MRC2: variants seen among roughly 807,000 people sequenced by gnomAD.
MRC2 encodes the protein mannose receptor C-type 2, also known as C-type mannose receptor 2.
In MRC2, 84 loss-of-function variants were observed where a neutral mutation model predicts 206.2. The observed-to-expected ratio is 0.41, with a 90% CI of 0.34 to 0.49. The LOEUF is 0.49. MRC2 is among the 20% of genes least tolerant of loss of function. The pLI, the probability that MRC2 is intolerant of heterozygous loss-of-function variation, is 0.31. For missense variants in MRC2, 1,676 were observed against 2,001.5 expected, an observed-to-expected ratio of 0.84 and a Z score of 3.10; for synonymous variants, 798 against 800.0, an observed-to-expected ratio of 1.00 and a Z score of 0.04.
In MRC2 at chr17:62,657,198, T is replaced by A. The variant is rs2088628301; in HGVS notation, c.119-7350T>A. Among the ~76,000 whole-genome samples the A allele has an allele frequency of 2.0e-5, 3 of 152,162 alleles. No individual in the cohort carries two copies. The South Asian group carries it at 6.2e-4, about 32-fold the overall frequency. On this transcript the variant is annotated intron_variant, in intron 1 of 29. Transcript: ENST00000303375. ...AAGGCAGCTCAATGAGGTCACAGAT[T>A]GTTATCGTTGCCATGTCTTCATTGT... is the stretch of plus-strand genomic sequence containing the variant.
At chr17:62,663,864 G>A (rs2088709641) in intron 1 of MRC2, among the ~76,000 whole-genome samples, 1 of 148,666 alleles carries the variant, frequency 6.7e-6, no homozygotes, top group African/African-American at 2.5e-5. Context: ...TGAGATTGAG[G>A]TTGCAACGTG....
At chr17:62,651,414 C>T (rs910907900) in intron 1 of MRC2, among the ~76,000 whole-genome samples, 1 of 151,966 alleles carries the variant, frequency 6.6e-6, no homozygotes, top group African/African-American at 2.4e-5. Flanking sequence ...AGACTCATGC[C>T]AGGCAAAGGT....
chr17:62,671,729 A>AAGCGC lies in MRC2; in HGVS notation c.1202_1206dup (p.Trp403AlafsTer47). 1 of 1,613,124 alleles carries AAGCGC rather than the reference A, an allele frequency of 6.2e-7. No individual in the cohort carries two copies. Among genetic ancestry groups the AAGCGC allele is most frequent in the Non-Finnish European group, 8.5e-7 (1 of 1,179,630 alleles). On this transcript the variant is annotated frameshift_variant, in exon 7 of 30. Transcript: ENST00000303375. LOFTEE classifies it high-confidence loss of function. This position sits in a 1 kb window ranked among gnomAD's most constrained non-coding sequence, Gnocchi z 4.5. Reference sequence around the variant, plus strand: ...CCACTGCTACCGCCTGCAGGCCGAGAAGCGCAGCTGGCAGGAGTCCAAGAA... The same window carrying AAGCGC: ...CCACTGCTACCGCCTGCAGGCCGAGAAGCGCAGCGCAGCTGGCAGGAGTCCAAGAA...
chr17:62,688,298 G>A lies in MRC2; in HGVS notation c.2956G>A (p.Val986Ile). 1.9e-6 allele frequency: 3 copies of A among 1,614,058 alleles called. No individual in the cohort carries two copies. The highest frequency in any genetic ancestry group is 1.7e-6 in the Non-Finnish European group (2 of 1,180,012). Residue 986 changes from valine (V) to isoleucine (I), a missense_variant, in exon 21 of 30, where the codon GTC becomes ATC. Around this residue, in one of 3 missense-constraint regions of MRC2, gnomAD observed 1,354 missense variants for 1,636.6 expected, o/e 0.83. Coordinates refer to ENST00000303375, the MANE Select transcript of MRC2 (RefSeq NM_006039.5). ...CACCTCTGCCCCACAGTGTTTTCAG[G>A]TCCAGGGCCAGGAACCCCAGAGCCG... ...WIQFLNKCFQVQGQEPQSRVK... is the reference protein window; with the variant it reads ...WIQFLNKCFQIQGQEPQSRVK...
rs1267988926 is a variant in MRC2 at position 62,690,167 on chromosome 17, C to T, written c.3754C>T (p.Pro1252Ser). Residue 1252 changes from proline to serine, a missense_variant, in exon 26 of 30, where the codon CCC becomes TCC. Coordinates refer to ENST00000303375, the MANE Select transcript of MRC2 (RefSeq NM_006039.5). ...CTGTACCCCCACAGGGCCCCCTCCT[C>T]CCCGAAGAATAAGCTACCATGGCAG... ...VCGVSSGPPP[P>S]RRISYHGSCP... 6.2e-7 allele frequency: 1 copy of T among 1,605,598 alleles called. No homozygotes were observed. Among genetic ancestry groups the T allele is most frequent in the Non-Finnish European group, 8.5e-7 (1 of 1,174,178 alleles).
chr17:62,671,821 C>A lies in MRC2; in HGVS notation c.1290C>A (p.Thr430=). The A allele has an allele frequency of 6.3e-7, 1 of 1,597,784 alleles. No individual in the cohort carries two copies. The highest frequency in any genetic ancestry group is 1.1e-5 in the South Asian group (1 of 89,100). Residue 430 remains threonine, a synonymous_variant, in exon 7 of 30, where the codon ACC becomes ACA. Coordinates refer to ENST00000303375, the MANE Select transcript of MRC2 (RefSeq NM_006039.5). The surrounding 1 kb of genome is among the most constrained non-coding windows in gnomAD (Gnocchi z 4.5). ...GCATGGCGGAGCTGGAATTCATCACCAAGCAGATCAAGCAAGGTGAGGAGC... is the reference window on the plus strand; with the variant it reads ...GCATGGCGGAGCTGGAATTCATCACAAAGCAGATCAAGCAAGGTGAGGAGC... ...IHSMAELEFI[T]KQIKQEVEEL...
chr17:62,691,894 G>C (rs1318953494), intron 28 of MRC2, among the ~76,000 whole-genome samples: 1 of 152,082 alleles, frequency 6.6e-6, no homozygotes, highest in Non-Finnish European at 1.5e-5. Flanking sequence ...CTGAGACCTA[G>C]CTGAGTGCAG....
At chr17:62,638,615 G>A (rs990260989) in intron 1 of MRC2, among the ~76,000 whole-genome samples, 1 of 151,880 alleles carries the variant, frequency 6.6e-6, no homozygotes, top group Non-Finnish European at 1.5e-5. Context: ...ACGTGTGCCT[G>A]TAATCCCAGC....
In MRC2 at chr17:62,676,519, C is replaced by T. The variant is rs750605988; in HGVS notation, c.1822C>T (p.Arg608Trp). 171 of 1,594,132 alleles carry T rather than the reference C, an allele frequency of 1.1e-4. No individual in the cohort carries two copies. Among genetic ancestry groups the T allele is most frequent in the Non-Finnish European group, 1.4e-4 (165 of 1,170,128 alleles). The change falls in exon 11 of 30, where the codon CGG becomes TGG. Residue 608 changes from arginine to tryptophan, a missense_variant. By Grantham distance (101) the Arg-to-Trp change is moderately radical. Around this residue, in one of 3 missense-constraint regions of MRC2, gnomAD observed 1,354 missense variants for 1,636.6 expected, o/e 0.83. Coordinates refer to ENST00000303375, the MANE Select transcript of MRC2 (RefSeq NM_006039.5). ...TGAAGTCATGTACACCCACTGGAAC[C>T]GGGACCAGCCCGGTGAGCCCCTTAT... is the stretch of plus-strand genomic sequence containing the variant. ...GDEVMYTHWN[R>W]DQPGYSRGGC...
chr17:62,669,688 G>A (rs922555466), intron 6 of MRC2, among the ~76,000 whole-genome samples: 13 of 151,842 alleles, frequency 8.6e-5, no homozygotes, highest in Admixed American at 4.6e-4. Context: ...GAGTAGCTGG[G>A]ATTATAGGCA....
Position 62,666,911 on chromosome 17 carries a change from C to A in MRC2, c.973+41C>A. 1 of 1,541,730 alleles carries A rather than the reference C, an allele frequency of 6.5e-7. No homozygotes were observed. On this transcript the variant is annotated intron_variant, in intron 5 of 29. Transcript: ENST00000303375. The surrounding 1 kb of genome is among the most constrained non-coding windows in gnomAD (Gnocchi z 5.0). ...GGGGGCGCAGGGCAGCATAGGGGCC[C>A]CGCGGGCTCTTGGCCTCCCATGGAC...
chr17:62,680,960 G>T lies in MRC2; in HGVS notation c.2634G>T (p.Lys878Asn). Residue 878 changes from lysine to asparagine, a missense_variant and splice_region_variant, in exon 17 of 30, where the codon AAG (lysine) becomes AAT (asparagine). Lys to Asn is a moderately conservative substitution (Grantham distance 94). Transcript: ENST00000303375. The surrounding 1 kb of genome is among the most constrained non-coding windows in gnomAD (Gnocchi z 4.8). ...ACTTCCTGAGCCACAACTTGCAGAA[G>T]GTGGGCATTGGATTGAGCAGGGGGC... The part of the protein sequence containing the change: ...ELDFLSHNLQ[K>N]FSRAQEQHWW... 1 of 1,612,872 alleles carries T rather than the reference G, an allele frequency of 6.2e-7. No individual in the cohort carries two copies. Among genetic ancestry groups the T allele is most frequent in the Non-Finnish European group, 8.5e-7 (1 of 1,179,740 alleles).
rs1391376465 is a variant in MRC2, at chr17:62,671,294, C to G, written c.1118-355C>G. 6.6e-6 allele frequency among the ~76,000 whole-genome samples: 1 copy of G among 152,098 alleles called. No homozygotes were observed. The highest frequency in any genetic ancestry group is 1.5e-5 in the Non-Finnish European group (1 of 68,014). ...CTTTGTTGCCCAGTCTGTTCTTGAA[C>G]TACTGGGCTCAAGCAATCCTCCAGC... On this transcript the variant is annotated intron_variant, in intron 6 of 29. Transcript: ENST00000303375. This position sits in a 1 kb window ranked among gnomAD's most constrained non-coding sequence, Gnocchi z 4.5.
intron 1 of MRC2, among the ~76,000 whole-genome samples, chr17:62,640,017 CTTTTT>C (rs56703312): frequency 1.5e-4 from 11 of 74,350 alleles, no homozygotes; most frequent in Non-Finnish European, 9.5e-5. Context: ...CCATGCCCAG[CTTTTT>C]TTTTTTTTTT....
chr17:62,636,660 G>C (rs917468887), intron 1 of MRC2, among the ~76,000 whole-genome samples: 1 of 151,796 alleles, frequency 6.6e-6, no homozygotes, highest in African/African-American at 2.4e-5. Context: ...TTTTAGTAGA[G>C]ACGGGGTTTC....
In MRC2 at chr17:62,689,699, T is replaced by C; in HGVS notation, c.3512T>C (p.Phe1171Ser). Reference sequence around the variant, plus strand: ...GTGCCCGACCCCTACACCCAGGCCTTCCTCACGCAGGCTGCCCGAGGGCTG... The same window carrying C: ...GTGCCCGACCCCTACACCCAGGCCTCCCTCACGCAGGCTGCCCGAGGGCTG... ...AYVPDPYTQA[F>S]LTQAARGLRT... The change falls in exon 24 of 30, where the codon TTC (phenylalanine) becomes TCC (serine). Residue 1171 changes from phenylalanine to serine, a missense_variant. By Grantham distance (155) the Phe-to-Ser change is radical. This residue lies in a region of MRC2 where 1,354 missense variants were observed against 1,636.6 expected (regional missense o/e 0.83). Coordinates refer to ENST00000303375, the MANE Select transcript of MRC2 (RefSeq NM_006039.5). The C allele has an allele frequency of 1.9e-6, 3 of 1,578,818 alleles. No homozygotes were observed. The highest frequency in any genetic ancestry group is 2.6e-6 in the Non-Finnish European group (3 of 1,162,950).
intron 1 of MRC2, among the ~76,000 whole-genome samples, chr17:62,636,542 C>T (rs996642321): frequency 1.4e-5 from 2 of 147,258 alleles, no homozygotes; most frequent in Admixed American, 1.4e-4. Flanking sequence ...GATCTCGGCT[C>T]ACTGCAAGCT....
chr17:62,688,621 G>T lies in MRC2; in HGVS notation c.3182G>T (p.Gly1061Val). Reference sequence around the variant, plus strand: ...TTGATGTATGCCAACTGGGCACCTGGGGAGCCCTCTGGCCCTAGCCCTGCT... The same window carrying T: ...TTGATGTATGCCAACTGGGCACCTGTGGAGCCCTCTGGCCCTAGCCCTGCT... ...EPLMYANWAP[G>V]EPSGPSPAPS... Residue 1061 changes from glycine to valine, a missense_variant, in exon 22 of 30, where the codon GGG becomes GTG. Coordinates refer to ENST00000303375, the MANE Select transcript of MRC2 (RefSeq NM_006039.5). The T allele has an allele frequency of 6.2e-7, 1 of 1,614,158 alleles. No homozygotes were observed. Among genetic ancestry groups the T allele is most frequent in the South Asian group, 1.1e-5 (1 of 91,086 alleles).
chr17:62,692,662 C>A lies in MRC2; in HGVS notation c.*211C>A. 1.8e-6 allele frequency: 1 copy of A among 558,086 alleles called. No homozygotes were observed. Among genetic ancestry groups the A allele is most frequent in the Non-Finnish European group, 3.2e-6 (1 of 313,832 alleles). 34.6% of individuals were successfully genotyped at this position (558,086 alleles called of 1,614,324 possible). ...TGAGACCCAGCTGAGTGCAGCGTGG[C>A]GTTTCCCTTTCTGGGGGGGCCTGAG... On this transcript the variant is annotated 3_prime_UTR_variant, in exon 30 of 30. Transcript: ENST00000303375. This position sits in a 1 kb window ranked among gnomAD's most constrained non-coding sequence, Gnocchi z 4.2.
Sources: gnomAD v4.1 joint callset for allele counts (sites outside exome capture counted in the v4.1 genomes callset) on GRCh38, gnomAD v4.1.1 for gene constraint, gnomAD v4.1.1 regional missense constraint, Gnocchi (gnomAD v3.1) non-coding constraint, MANE v1.5 for transcripts, NCBI Gene and HGNC (gene_info 2026-07-23, HGNC 2026-07-21) for gene names.